PTPRA: variants seen among roughly 807,000 people sequenced by gnomAD.
PTPRA encodes receptor-type tyrosine-protein phosphatase alpha.
A neutral mutation model predicts 104.8 loss-of-function variants in PTPRA; 25 were observed. That is an observed-to-expected ratio of 0.24 (90% CI 0.17 to 0.33). The LOEUF is 0.33. PTPRA is among the 10% of genes least tolerant of loss of function. The pLI, the probability that PTPRA is intolerant of heterozygous loss-of-function variation, is 1.00. For missense variants in PTPRA, 765 were observed against 1,015.3 expected (o/e 0.75, Z 3.35); for synonymous variants, 323 against 368.9 (o/e 0.88, Z 1.43).
At chr20:2,875,197 C>T (rs554134999) in intron 1 of PTPRA, among the ~76,000 whole-genome samples, 19 of 152,034 alleles carry the variant, frequency 1.2e-4, no homozygotes, top group Non-Finnish European at 2.6e-4. Flanking sequence ...GAGTACATGC[C>T]CAGGACTTTT....
At chr20:3,033,292 C>T (rs574020624) in intron 20 of PTPRA, among the ~76,000 whole-genome samples, 2 of 152,068 alleles carry the variant, frequency 1.3e-5, no homozygotes, top group Admixed American at 1.3e-4. Context: ...CCACCTTCTG[C>T]CCAGTTGCTC....
chr20:3,028,661 G>GTC (rs1459822952), intron 20 of PTPRA, among the ~76,000 whole-genome samples: 1 of 152,238 alleles, frequency 6.6e-6, no homozygotes, highest in Non-Finnish European at 1.5e-5. Flanking sequence ...GGTTCACTAT[G>GTC]TCTGGGGTGT....
intron 5 of PTPRA, among the ~76,000 whole-genome samples, chr20:2,974,781 C>T (rs983088227): frequency 9.2e-5 from 14 of 152,146 alleles, no homozygotes; most frequent in Admixed American, 9.2e-4. Flanking sequence ...ACTCTTTCTA[C>T]TGTTGGGGTT....
intron 10 of PTPRA, 40 bp from the exon 11 acceptor site, chr20:3,007,304 A>C: frequency 6.3e-7 from 1 of 1,585,346 alleles, no homozygotes; most frequent in Middle Eastern, 1.7e-4. Context: ...GTGAGAAATA[A>C]ATTTTGATTT....
chr20:3,029,558 T>TTTTTTTTTA (rs2065328932), intron 20 of PTPRA, among the ~76,000 whole-genome samples: 2 of 116,702 alleles, frequency 1.7e-5, no homozygotes, highest in African/African-American at 6.0e-5. Flanking sequence ...TTTTTTTTTT[T>TTTTTTTTTA]GAGACGGAGT....
At chr20:2,967,627 A>G (rs530075721) in intron 5 of PTPRA, among the ~76,000 whole-genome samples, 15 of 152,126 alleles carry the variant, frequency 9.9e-5, no homozygotes, top group African/African-American at 3.6e-4. Context: ...TTGGGAGGCC[A>G]AGGTGGACAG....
At chr20:2,914,792 C>A (rs1409302267) in intron 1 of PTPRA, among the ~76,000 whole-genome samples, 2 of 152,084 alleles carry the variant, frequency 1.3e-5, no homozygotes, top group Non-Finnish European at 2.9e-5. Flanking sequence ...CACCTACTTG[C>A]TAAAATTTAT....
At chr20:2,942,263 C>A (rs1481678353) in intron 2 of PTPRA, among the ~76,000 whole-genome samples, 1 of 152,078 alleles carries the variant, frequency 6.6e-6, no homozygotes, top group African/African-American at 2.4e-5. Flanking sequence ...CTTACTTGAT[C>A]AGGTTGTGGT....
chr20:2,865,513 C>T, the PTPRA span: 2 of 1,608,272 alleles, frequency 1.2e-6, no homozygotes, highest in Non-Finnish European at 1.7e-6. The surrounding 1 kb of genome is among the most constrained non-coding windows in gnomAD (Gnocchi z 5.2). Flanking sequence ...AGGGTCCTCC[C>T]TCCAGCCCAC....
chr20:2,885,642 G>A (rs898214262), intron 1 of PTPRA, among the ~76,000 whole-genome samples: 1 of 152,120 alleles, frequency 6.6e-6, no homozygotes, highest in Non-Finnish European at 1.5e-5. Flanking sequence ...TCTGATTAGT[G>A]TAGATCTGAT....
At position 2,982,863 on chromosome 20, in the gene PTPRA, A is replaced by AT. The variant is rs914571814; in HGVS notation, c.443-3894dup. On this transcript the variant is annotated intron_variant, in intron 6 of 23. Coordinates refer to ENST00000399903, the MANE Select transcript of PTPRA (RefSeq NM_001385305.1). ...AGGCATGTGCCACCACACCTGGCTA[A>AT]TTTTTTTTGTATTTTTAGTAGAGAT... Among the ~76,000 whole-genome samples the AT allele has an allele frequency of 2.5e-4, 38 of 151,672 alleles. 2 individuals carry two copies. Among genetic ancestry groups the AT allele is most frequent in the Admixed American group, 1.4e-3 (22 of 15,220 alleles).
chr20:2,940,812 T>C (rs972943774), intron 2 of PTPRA, among the ~76,000 whole-genome samples: 1 of 152,242 alleles, frequency 6.6e-6, no homozygotes, highest in Non-Finnish European at 1.5e-5. Context: ...AGTTGAGTAG[T>C]TGAAGCAGAG....
intron 1 of PTPRA, among the ~76,000 whole-genome samples, chr20:2,893,244 A>G (rs2058867548): frequency 6.6e-6 from 1 of 152,250 alleles, no homozygotes; most frequent in Non-Finnish European, 1.5e-5. Context: ...TTACTCCAAT[A>G]GAACCATACT....
intron 2 of PTPRA, among the ~76,000 whole-genome samples, chr20:2,939,938 C>T (rs574852237): frequency 1.3e-5 from 2 of 152,294 alleles, no homozygotes; most frequent in African/African-American, 4.8e-5. Context: ...GAAACCCCGT[C>T]TCTACTAAAA....
chr20:2,866,834 G>A, the PTPRA span: 4 of 456,582 alleles, frequency 8.8e-6, no homozygotes, highest in Non-Finnish European at 1.5e-5. Flanking sequence ...TGTTGGGACC[G>A]GAGGTGGGGG....
At chr20:2,990,964 C>A (rs139731582) in intron 9 of PTPRA, among the ~76,000 whole-genome samples, 45 of 152,166 alleles carry the variant, frequency 3.0e-4, no homozygotes, top group Non-Finnish European at 4.7e-4. Flanking sequence ...AAGTGGGAGA[C>A]CATTTACCAG....
At chr20:2,923,162 C>T in intron 1 of PTPRA, 45 bp from the exon 2 acceptor site, 1 of 855,414 alleles carries the variant, frequency 1.2e-6, no homozygotes, top group Non-Finnish European at 1.6e-6. Flanking sequence ...ACAATCTGCT[C>T]AGGGATGTTG....
At chr20:2,966,420 G>GTGCC (rs1338499031) in intron 5 of PTPRA, among the ~76,000 whole-genome samples, 1 of 152,218 alleles carries the variant, frequency 6.6e-6, no homozygotes, top group Admixed American at 6.5e-5. Context: ...ACTTATAAAG[G>GTGCC]TGCCTACACA....
At chr20:3,003,923 C>T (rs1226157170) in intron 9 of PTPRA, among the ~76,000 whole-genome samples, 1 of 152,138 alleles carries the variant, frequency 6.6e-6, no homozygotes, top group Non-Finnish European at 1.5e-5. Context: ...TAGCTTCCCA[C>T]TCTGATAAAA....
Sources: allele counts gnomAD v4.1 joint callset (sites outside exome capture counted in the v4.1 genomes callset), GRCh38; gene constraint gnomAD v4.1.1; non-coding constraint Gnocchi (gnomAD v3.1); transcripts MANE v1.5; gene names NCBI Gene and HGNC (gene_info 2026-07-23, HGNC 2026-07-21).